GRIN2B: variants seen among roughly 807,000 people sequenced by gnomAD.
The protein encoded by GRIN2B is glutamate receptor ionotropic, NMDA 2B.
A neutral mutation model predicts 114.5 loss-of-function variants in GRIN2B; 5 were observed. That is an observed-to-expected ratio of 0.04 (90% CI 0.02 to 0.09). The LOEUF (loss-of-function observed/expected upper bound fraction) is 0.09, where lower values mean the gene tolerates loss of function less well. GRIN2B is among the 10% of genes least tolerant of loss of function. GRIN2B has a pLI of 1.00. For missense variants in GRIN2B, 1,108 were observed against 1,943.5 expected, an observed-to-expected ratio of 0.57 and a Z score of 8.08; for synonymous variants, 787 against 745.1, an observed-to-expected ratio of 1.06 and a Z score of -0.92.
Position 13,866,012 on chromosome 12 carries a change from G to T in GRIN2B, c.197C>A (p.Pro66His). The T allele has an allele frequency of 6.2e-7, 1 of 1,613,952 alleles. No homozygotes were observed. The highest frequency in any genetic ancestry group is 8.5e-7 in the Non-Finnish European group (1 of 1,179,920). ...KDDFHHLSVV[P>H]RVELVAMNET... The stretch of plus-strand genomic sequence containing the variant: ...ATTCATGGCTACCAGTTCCACCCGG[G>T]GTACCACGGAGAGATGGTGGAAATC... Residue 66 changes from proline (P) to histidine (H), a missense_variant, in exon 3 of 14, where the codon CCC becomes CAC. Transcript: ENST00000609686.
At chr12:13,882,800 C>CT (rs1866090793) in intron 2 of GRIN2B, among the ~76,000 whole-genome samples, 1 of 152,150 alleles carries the variant, frequency 6.6e-6, no homozygotes. Flanking sequence ...AAAATTCACG[C>CT]TTTTAAGTTT....
At chr12:13,699,905 T>C (rs910647208) in intron 4 of GRIN2B, among the ~76,000 whole-genome samples, 2 of 150,662 alleles carry the variant, frequency 1.3e-5, no homozygotes, top group African/African-American at 4.9e-5. Context: ...TTTTTTCTTG[T>C]CTAAATAAAT....
intron 4 of GRIN2B, among the ~76,000 whole-genome samples, chr12:13,679,711 A>G (rs1221822403): frequency 6.6e-6 from 1 of 152,196 alleles, no homozygotes; most frequent in African/African-American, 2.4e-5. Flanking sequence ...GCATGCAAAT[A>G]TACATCAGCC....
At chr12:13,816,017 A>G (rs564448181) in intron 3 of GRIN2B, among the ~76,000 whole-genome samples, 32 of 152,296 alleles carry the variant, frequency 2.1e-4, no homozygotes, top group African/African-American at 7.7e-4. Flanking sequence ...CCACAAACCC[A>G]CTGCTAGCAA....
chr12:13,640,095 T>C (rs564251750), intron 5 of GRIN2B, among the ~76,000 whole-genome samples: 3 of 152,052 alleles, frequency 2.0e-5, no homozygotes, highest in Non-Finnish European at 4.4e-5. Context: ...ACGTAAAATG[T>C]AGATACAAGA....
chr12:13,685,541 A>G (rs995803), intron 4 of GRIN2B, among the ~76,000 whole-genome samples: 85,384 of 151,990 alleles, frequency 0.56, 24,493 homozygotes, highest in Middle Eastern at 0.61. Context: ...TCCAGGGTCA[A>G]GGGGACATTT....
intron 10 of GRIN2B, among the ~76,000 whole-genome samples, chr12:13,601,673 G>A (rs1243312896): frequency 1.3e-5 from 2 of 152,062 alleles, no homozygotes; most frequent in African/African-American, 4.8e-5. Flanking sequence ...TCATAGGAAG[G>A]CAAGAAGCAG....
At chr12:13,959,769 C>CTTTTTTTTTTTTTTT (rs3082919) in intron 2 of GRIN2B, among the ~76,000 whole-genome samples, 1 of 132,460 alleles carries the variant, frequency 7.5e-6, no homozygotes, top group Non-Finnish European at 1.6e-5. Context: ...TTTTCTTTTT[C>CTTTTTTTTTTTTTTT]TTTTTTTTTT....
intron 4 of GRIN2B, among the ~76,000 whole-genome samples, chr12:13,696,290 AG>A (rs1302541067): frequency 3.3e-5 from 5 of 152,214 alleles, no homozygotes; most frequent in Non-Finnish European, 7.3e-5. Context: ...ATGTAACAAA[AG>A]GTGTGTAACT....
chr12:13,823,966 C>T (rs1335801147), intron 3 of GRIN2B, among the ~76,000 whole-genome samples: 3 of 152,156 alleles, frequency 2.0e-5, no homozygotes, highest in Non-Finnish European at 4.4e-5. Flanking sequence ...TAAACCAACA[C>T]AGTGTTACTG....
At position 13,659,992 on chromosome 12, in the gene GRIN2B, G is replaced by A. The variant is rs556357943; in HGVS notation, c.1125+15753C>T. On this transcript the variant is annotated intron_variant, in intron 5 of 13. Transcript: ENST00000609686. ...GGGCTGTATACAGGGCTGTATGGCA[G>A]CGGGCAGGCCCCAGTCCTCATCTGT... Among the ~76,000 whole-genome samples the A allele has an allele frequency of 2.5e-4, 38 of 152,278 alleles. 1 individual carries two copies. The highest frequency in any genetic ancestry group is 8.9e-4 in the African/African-American group (37 of 41,564).
chr12:13,784,203 A>G lies in GRIN2B; in HGVS notation c.412-30288T>C, dbSNP rs375916613. On this transcript the variant is annotated intron_variant, in intron 3 of 13. Coordinates refer to ENST00000609686, the MANE Select transcript of GRIN2B (RefSeq NM_000834.5). ...CGCGCCACTGCACTCCAGCCTGGGCAACAGAGTGAGACTTCGCCTCAAAAA... is the reference window on the plus strand; with the variant it reads ...CGCGCCACTGCACTCCAGCCTGGGCGACAGAGTGAGACTTCGCCTCAAAAA... Among the ~76,000 whole-genome samples, 156 of 124,282 alleles carry G rather than the reference A, an allele frequency of 1.3e-3. 1 individual carries two copies. Among genetic ancestry groups the G allele is most frequent in the East Asian group, 0.012 (42 of 3,582 alleles). The allele number at this position is 124,282 out of a possible 152,430, so 81.5% of individuals were successfully genotyped here.
intron 3 of GRIN2B, among the ~76,000 whole-genome samples, chr12:13,757,876 T>C (rs934244309): frequency 1.3e-5 from 2 of 152,042 alleles, no homozygotes; most frequent in Non-Finnish European, 2.9e-5. Flanking sequence ...CCTCAGAAAA[T>C]AATTGCCTAA....
intron 5 of GRIN2B, among the ~76,000 whole-genome samples, chr12:13,659,716 T>C (rs1234243399): frequency 6.6e-6 from 1 of 152,142 alleles, no homozygotes; most frequent in African/African-American, 2.4e-5. Flanking sequence ...ACTTCCAATA[T>C]TACTCACCTC....
chr12:13,623,888 T>C (rs781542440), intron 5 of GRIN2B, among the ~76,000 whole-genome samples: 4 of 152,214 alleles, frequency 2.6e-5, no homozygotes, highest in Admixed American at 6.5e-5. Flanking sequence ...TTGGTATTAG[T>C]ATACTTTTGC....
At chr12:13,934,189 T>C (rs554068158) in intron 2 of GRIN2B, among the ~76,000 whole-genome samples, 61 of 152,292 alleles carry the variant, frequency 4.0e-4, no homozygotes, top group African/African-American at 1.4e-3. Context: ...ATCCTAATAC[T>C]CCTTGACAAC....
intron 4 of GRIN2B, among the ~76,000 whole-genome samples, chr12:13,732,659 A>G (rs554320217): frequency 6.6e-6 from 1 of 152,220 alleles, no homozygotes; most frequent in East Asian, 1.9e-4. Flanking sequence ...GACTAAACTC[A>G]ACTTCTTAAG....
chr12:13,931,571 TCTCTATGCTGACAGCTCCCAAG>T lies in GRIN2B; in HGVS notation c.-19+48335_-19+48356del, dbSNP rs542585031. Among the ~76,000 whole-genome samples, 1,135 of 152,282 alleles carry T rather than the reference TCTCTATGCTGACAGCTCCCAAG, an allele frequency of 7.5e-3. 16 individuals are homozygous for T. Among genetic ancestry groups the T allele is most frequent in the African/African-American group, 0.026 (1,084 of 41,558 alleles). ...TCCATATCCATGGCGTTAAATACCA[TCTCTATGCTGACAGCTCCCAAG>T]CTGATATGTCTAGTTCTGACTTCTT... is the stretch of plus-strand genomic sequence containing the variant. On this transcript the variant is annotated intron_variant, in intron 2 of 13. Transcript: ENST00000609686.
At chr12:13,818,592 A>T (rs751500822) in intron 3 of GRIN2B, among the ~76,000 whole-genome samples, 12 of 152,240 alleles carry the variant, frequency 7.9e-5, no homozygotes, top group Non-Finnish European at 1.3e-4. Context: ...TCTATTTATT[A>T]TACCTGTTTC....
Sources: gnomAD v4.1 joint callset for allele counts (sites outside exome capture counted in the v4.1 genomes callset) on GRCh38, gnomAD v4.1.1 for gene constraint, MANE v1.5 for transcripts, NCBI Gene and HGNC (gene_info 2026-07-23, HGNC 2026-07-21) for gene names.